The following TCF7L2 variants were observed in gnomAD, a reference collection of about 807,000 sequenced individuals.
TCF7L2 encodes transcription factor 7-like 2.
Under a neutral mutation model 77.9 loss-of-function variants are expected in TCF7L2, and 23 were observed. The ratio of observed to expected loss-of-function variants is 0.30; its 90% CI spans 0.21 to 0.42. The LOEUF (loss-of-function observed/expected upper bound fraction) is 0.42, where lower values mean the gene tolerates loss of function less well. Among genes scored for constraint, TCF7L2 ranks in the 10% least tolerant of loss-of-function variants. TCF7L2 has a pLI of 1.00. For synonymous variants in TCF7L2, 413 were observed against 340.2 expected (o/e 1.21, Z -2.36); for missense variants, 654 against 793.1 (o/e 0.82, Z 2.11).
chr10:113,053,779 G>T (rs1010840208), intron 5 of TCF7L2, among the ~76,000 whole-genome samples: 3 of 152,182 alleles, frequency 2.0e-5, no homozygotes, highest in African/African-American at 7.2e-5. Flanking sequence ...AGTAATTTAT[G>T]AAGTTGTCAG....
At chr10:113,000,014 G>A (rs1368789997) in intron 4 of TCF7L2, among the ~76,000 whole-genome samples, 1 of 152,204 alleles carries the variant, frequency 6.6e-6, no homozygotes, top group Non-Finnish European at 1.5e-5. Context: ...ATATTCTACG[G>A]TTAAGTAATT....
In TCF7L2 at chr10:112,985,907, C is replaced by T. The variant is rs571605201; in HGVS notation, c.450+21283C>T. 2.7e-5 allele frequency among the ~76,000 whole-genome samples: 4 copies of T among 149,538 alleles called. No homozygotes were observed. The South Asian group carries it at 8.4e-4, about 31-fold the overall frequency. On this transcript the variant is annotated intron_variant, in intron 4 of 13. Coordinates refer to ENST00000627217, the MANE Select transcript of TCF7L2 (RefSeq NM_001146274.2). ...GTGTGTGTGTGCATTCTTGTTAACT[C>T]TATTAGTGCCATGGGCAGCCGCTAC...
chr10:113,159,858 T>G, intron 12 of TCF7L2, 62 bp from the exon 14 acceptor site: 1 of 446,846 alleles, frequency 2.2e-6, no homozygotes, highest in South Asian at 1.6e-5. Flanking sequence ...TTTCTCTCTC[T>G]CTCTCTCTCC....
intron 4 of TCF7L2, among the ~76,000 whole-genome samples, chr10:112,968,488 A>G (rs2037499521): frequency 6.6e-6 from 1 of 152,250 alleles, no homozygotes; most frequent in Non-Finnish European, 1.5e-5. Flanking sequence ...TAAATTATAT[A>G]TTAATTGACT....
At position 113,147,499 on chromosome 10, in the gene TCF7L2, A is replaced by G. The variant is rs56135534; in HGVS notation, c.875+1402A>G. ...TCAAAATTTCAAAATCCATGCCAGT[A>G]TTAGTTAGGTAGGAAAACGCTCGTG... On this transcript the variant is annotated intron_variant, in intron 8 of 13. Transcript: ENST00000627217. Among the ~76,000 whole-genome samples, 1,467 of 152,302 alleles carry G rather than the reference A, an allele frequency of 9.6e-3. 15 individuals carry two copies. The highest frequency in any genetic ancestry group is 0.038 in the Middle Eastern group (11 of 292).
At position 113,141,234 on chromosome 10, in the gene TCF7L2, G is replaced by A. The variant is rs750351798; in HGVS notation, c.603G>A (p.Thr201=). The A allele has an allele frequency of 2.2e-5, 36 of 1,613,934 alleles. No individual in the cohort carries two copies. The highest frequency in any genetic ancestry group is 8.9e-5 in the East Asian group (4 of 44,878). Residue 201 remains threonine (T), a synonymous_variant, in exon 6 of 14, where the codon ACG becomes ACA. Transcript: ENST00000627217. Reference sequence around the variant, plus strand: ...ACCCTCACCATGTCCACCCCCTCACGCCTCTTATCACGTACAGCAATGAAC... The same window carrying A: ...ACCCTCACCATGTCCACCCCCTCACACCTCTTATCACGTACAGCAATGAAC...
intron 5 of TCF7L2, among the ~76,000 whole-genome samples, chr10:113,108,554 C>T (rs773571956): frequency 2.0e-4 from 30 of 151,984 alleles, no homozygotes; most frequent in Non-Finnish European, 3.4e-4. Context: ...TCAGTGTGGC[C>T]GACCACTGCA....
chr10:113,026,968 A>G (rs1235407055), intron 4 of TCF7L2, among the ~76,000 whole-genome samples: 2 of 152,234 alleles, frequency 1.3e-5, no homozygotes, highest in East Asian at 3.8e-4. Flanking sequence ...TTCCCAAGCC[A>G]AGTTCTTTTA....
chr10:113,024,546 T>C (rs747667297), intron 4 of TCF7L2, among the ~76,000 whole-genome samples: 5 of 151,978 alleles, frequency 3.3e-5, no homozygotes, highest in Non-Finnish European at 7.4e-5. Context: ...TATTCGCATA[T>C]ACATAATGAG....
intron 5 of TCF7L2, chr10:113,089,288 C>G: frequency 8.2e-7 from 1 of 1,214,598 alleles, no homozygotes; most frequent in Non-Finnish European, 1.1e-6. Flanking sequence ...CATGGAGCTT[C>G]TATAGAAATG....
chr10:113,068,112 T>G (rs2057485234), intron 5 of TCF7L2, among the ~76,000 whole-genome samples: 1 of 152,182 alleles, frequency 6.6e-6, no homozygotes, highest in East Asian at 1.9e-4. Context: ...AAGTGCTTAT[T>G]AAACCCGCTT....
chr10:113,103,685 C>T (rs2061930339), intron 5 of TCF7L2, among the ~76,000 whole-genome samples: 1 of 152,114 alleles, frequency 6.6e-6, no homozygotes, highest in South Asian at 2.1e-4. Context: ...AGGAAACTCA[C>T]ATTTTTTCGT....
At chr10:113,106,791 A>G (rs761907618) in intron 5 of TCF7L2, among the ~76,000 whole-genome samples, 6 of 152,334 alleles carry the variant, frequency 3.9e-5, no homozygotes, top group African/African-American at 7.2e-5. Context: ...GAGGACTGGT[A>G]TTTGGGAATC....
At chr10:113,044,873 G>A (rs1357564136) in intron 5 of TCF7L2, among the ~76,000 whole-genome samples, 1 of 152,176 alleles carries the variant, frequency 6.6e-6, no homozygotes, top group East Asian at 1.9e-4. Flanking sequence ...TGCAGCATAT[G>A]GTGAGGATCT....
At chr10:113,034,383 G>T (rs148882434) in intron 4 of TCF7L2, among the ~76,000 whole-genome samples, 1 of 152,158 alleles carries the variant, frequency 6.6e-6, no homozygotes. Context: ...TGAATGGCCC[G>T]TGGTGAGGCT....
intron 5 of TCF7L2, among the ~76,000 whole-genome samples, chr10:113,083,114 G>C (rs2059472559): frequency 6.6e-6 from 1 of 152,110 alleles, no homozygotes. Context: ...TGAGTGCAGA[G>C]ATGGTGATTA....
chr10:113,150,855 A>G, intron 8 of TCF7L2, 143 bp from the exon 9 acceptor site: 1 of 1,040,758 alleles, frequency 9.6e-7, no homozygotes, highest in South Asian at 1.8e-5. Flanking sequence ...TCGCTAATTA[A>G]TGCTGACAGG....
intron 5 of TCF7L2, among the ~76,000 whole-genome samples, chr10:113,045,473 G>A (rs1312652890): frequency 6.6e-6 from 1 of 152,162 alleles, no homozygotes; most frequent in Admixed American, 6.5e-5. Flanking sequence ...GGTGTGCCAA[G>A]AGCAGCTGGG....
intron 4 of TCF7L2, among the ~76,000 whole-genome samples, chr10:112,978,319 T>G (rs1204269339): frequency 6.6e-6 from 1 of 152,166 alleles, no homozygotes; most frequent in East Asian, 1.9e-4. Flanking sequence ...GTATACTGAT[T>G]AGGTGAATGA....
Sources: allele counts gnomAD v4.1 joint callset (sites outside exome capture counted in the v4.1 genomes callset), GRCh38; gene constraint gnomAD v4.1.1; transcripts MANE v1.5; gene names NCBI Gene and HGNC (gene_info 2026-07-23, HGNC 2026-07-21).